PPP1R16B: variants seen among roughly 807,000 people sequenced by gnomAD.
PPP1R16B encodes the protein protein phosphatase 1 regulatory inhibitor subunit 16B.
In PPP1R16B, 14 loss-of-function variants were observed where a neutral mutation model predicts 61.7. That is an observed-to-expected ratio of 0.23 (90% CI 0.15 to 0.35). The LOEUF is 0.35. Among genes scored for constraint, PPP1R16B ranks in the 10% least tolerant of loss-of-function variants. The pLI, the probability that PPP1R16B is intolerant of heterozygous loss-of-function variation, is 1.00. For missense variants in PPP1R16B, 547 were observed against 752.5 expected (o/e 0.73, Z 3.19); for synonymous variants, 266 against 305.3 (o/e 0.87, Z 1.34).
intron 2 of PPP1R16B, among the ~76,000 whole-genome samples, chr20:38,869,393 A>G (rs1041931940): frequency 1.3e-5 from 2 of 152,128 alleles, no homozygotes; most frequent in African/African-American, 4.8e-5. Flanking sequence ...TCCTGACCTC[A>G]GGTGATCCAC....
chr20:38,840,630 G>A (rs2084903685), intron 2 of PPP1R16B, among the ~76,000 whole-genome samples: 1 of 152,210 alleles, frequency 6.6e-6, no homozygotes. Context: ...TCTCTGGGGA[G>A]CCATCTGTGA....
chr20:38,807,164 C>T (rs1042663323), intron 1 of PPP1R16B, among the ~76,000 whole-genome samples: 2 of 152,184 alleles, frequency 1.3e-5, no homozygotes, highest in Non-Finnish European at 2.9e-5. Flanking sequence ...CCTGTGTACC[C>T]TGCCATTTCC....
At position 38,900,689 on chromosome 20, in the gene PPP1R16B, G is replaced by C. The variant is rs754468830; in HGVS notation, c.571+5G>C. ...AGACCTGCATGGCATACCAGGGTAA[G>C]GGAGGGCAGCCTGCTATGAAGTGAG... On this transcript the variant is annotated splice_donor_5th_base_variant and intron_variant, in intron 5 of 10. Transcript: ENST00000299824. The C allele has an allele frequency of 6.4e-7, 1 of 1,570,114 alleles. No homozygotes were observed. Among genetic ancestry groups the C allele is most frequent in the Non-Finnish European group, 8.6e-7 (1 of 1,162,708 alleles).
chr20:38,814,493 T>C (rs1404897133), intron 1 of PPP1R16B, among the ~76,000 whole-genome samples: 1 of 152,142 alleles, frequency 6.6e-6, no homozygotes, highest in Non-Finnish European at 1.5e-5. Context: ...GGAATAATAA[T>C]AGTATAATAT....
rs950418771 is a variant in PPP1R16B at position 38,922,857 on chromosome 20, C to T, written c.*4191C>T. On this transcript the variant is annotated 3_prime_UTR_variant, in exon 11 of 11. Transcript: ENST00000299824. The stretch of plus-strand genomic sequence containing the variant: ...TGATATCGTACTGAGGTAACTTCCA[C>T]GTAGCCCCTTGCCACGCGGCACCGG... 6.6e-6 allele frequency: 1 copy of T among 152,464 alleles called. No homozygotes were observed. Among genetic ancestry groups the T allele is most frequent in the Admixed American group, 6.5e-5 (1 of 15,280 alleles). The allele number at this position is 152,464 out of a possible 1,614,324, so 9.4% of individuals were successfully genotyped here.
At chr20:38,870,751 A>G (rs7264486) in intron 2 of PPP1R16B, among the ~76,000 whole-genome samples, 26,147 of 151,988 alleles carry the variant, frequency 0.17, 2,531 homozygotes, top group African/African-American at 0.25. Context: ...GAAGGGCCAG[A>G]CTCTGGGCCA....
At chr20:38,833,772 C>T (rs2084852252) in intron 1 of PPP1R16B, among the ~76,000 whole-genome samples, 1 of 152,226 alleles carries the variant, frequency 6.6e-6, no homozygotes, top group South Asian at 2.1e-4. Flanking sequence ...GCCAAGCCAA[C>T]CCCTTCCCCA....
At chr20:38,831,110 C>T (rs115735549) in intron 1 of PPP1R16B, among the ~76,000 whole-genome samples, 88 of 152,334 alleles carry the variant, frequency 5.8e-4, no homozygotes, top group African/African-American at 2.1e-3. Flanking sequence ...CCATTGACCA[C>T]GAGCACCTTT....
At chr20:38,885,080 G>A (rs1338817548) in intron 2 of PPP1R16B, among the ~76,000 whole-genome samples, 1 of 149,884 alleles carries the variant, frequency 6.7e-6, no homozygotes, top group Non-Finnish European at 1.5e-5. Context: ...AAGACTGGGC[G>A]TGGTGACTCA....
intron 2 of PPP1R16B, among the ~76,000 whole-genome samples, chr20:38,876,186 T>C (rs939832332): frequency 1.3e-5 from 2 of 152,120 alleles, no homozygotes; most frequent in African/African-American, 4.8e-5. Context: ...TTGGCCAGGC[T>C]GGTCTCGAAC....
At chr20:38,882,239 C>T (rs1037926348) in intron 2 of PPP1R16B, among the ~76,000 whole-genome samples, 1 of 152,102 alleles carries the variant, frequency 6.6e-6, no homozygotes, top group Non-Finnish European at 1.5e-5. Flanking sequence ...TCCCCTGTAT[C>T]CAGCCTGCAG....
intron 2 of PPP1R16B, among the ~76,000 whole-genome samples, chr20:38,875,904 T>A (rs904531080): frequency 4.6e-5 from 7 of 151,866 alleles, no homozygotes; most frequent in African/African-American, 1.7e-4. Flanking sequence ...TATATTTGTT[T>A]CTTCCTCTCC....
At chr20:38,819,108 TAAA>T (rs544867460) in intron 1 of PPP1R16B, among the ~76,000 whole-genome samples, 1 of 151,898 alleles carries the variant, frequency 6.6e-6, no homozygotes, top group African/African-American at 2.4e-5. Flanking sequence ...GGAAAAAAAA[TAAA>T]AAAGAGCATG....
At chr20:38,847,283 A>T (rs1338050668) in intron 2 of PPP1R16B, among the ~76,000 whole-genome samples, 1 of 152,220 alleles carries the variant, frequency 6.6e-6, no homozygotes, top group Non-Finnish European at 1.5e-5. Context: ...CATAAAATCG[A>T]GACAGTTAAG....
chr20:38,816,811 A>G (rs772588319), intron 1 of PPP1R16B, among the ~76,000 whole-genome samples: 1 of 152,230 alleles, frequency 6.6e-6, no homozygotes, highest in African/African-American at 2.4e-5. Flanking sequence ...GACCAGCACA[A>G]TCTTAGTCCA....
intron 1 of PPP1R16B, among the ~76,000 whole-genome samples, chr20:38,826,620 A>C (rs777617848): frequency 9.1e-4 from 138 of 152,350 alleles, no homozygotes; most frequent in Non-Finnish European, 1.6e-3. Context: ...CCAAATCATC[A>C]ATCAGCACCT....
At chr20:38,872,047 A>C (rs921976049) in intron 2 of PPP1R16B, among the ~76,000 whole-genome samples, 2 of 152,238 alleles carry the variant, frequency 1.3e-5, no homozygotes, top group Non-Finnish European at 2.9e-5. Flanking sequence ...AATCTGGATT[A>C]TGCACATTTC....
intron 2 of PPP1R16B, among the ~76,000 whole-genome samples, chr20:38,873,975 C>T (rs935411247): frequency 3.9e-5 from 6 of 152,042 alleles, no homozygotes; most frequent in Admixed American, 6.6e-5. Flanking sequence ...GTTATCTGCC[C>T]GCCTCGGCCT....
chr20:38,818,448 G>A (rs1044094249), intron 1 of PPP1R16B, among the ~76,000 whole-genome samples: 2 of 152,266 alleles, frequency 1.3e-5, no homozygotes, highest in South Asian at 4.2e-4. Flanking sequence ...GATATTGGAC[G>A]GTTTAGGCTG....
Sources: gnomAD v4.1 joint callset for allele counts (sites outside exome capture counted in the v4.1 genomes callset) on GRCh38, gnomAD v4.1.1 for gene constraint, MANE v1.5 for transcripts, NCBI Gene and HGNC (gene_info 2026-07-23, HGNC 2026-07-21) for gene names.